The following CDC5L variants were observed in gnomAD, a reference collection of about 807,000 sequenced individuals.
The protein encoded by CDC5L is cell division cycle 5 like.
CDC5L carries 18 observed loss-of-function variants against 104.1 expected under a neutral mutation model. The ratio of observed to expected loss-of-function variants is 0.17; its 90% CI spans 0.12 to 0.26. The LOEUF (loss-of-function observed/expected upper bound fraction) is 0.26. CDC5L is among the 10% of genes least tolerant of loss of function. The pLI is 1.00. For missense variants in CDC5L, 673 were observed against 956.9 expected, an observed-to-expected ratio of 0.70 and a Z score of 3.91; for synonymous variants, 331 against 322.7, an observed-to-expected ratio of 1.03 and a Z score of -0.28.
Position 44,448,463 on chromosome 6 carries a change from G to A in CDC5L, c.*1752G>A, listed in dbSNP as rs1471289042. On this transcript the variant is annotated 3_prime_UTR_variant, in exon 16 of 16. Transcript: ENST00000371477. The stretch of plus-strand genomic sequence containing the variant: ...GGAGATAGGGAAGCCAGTCCAATTA[G>A]GAGCCTGATGCAGTGATCCAGACAA... 1 of 152,204 alleles carries A rather than the reference G, an allele frequency of 6.6e-6. No individual in the cohort carries two copies. The allele number at this position is 152,204 out of a possible 1,614,324, so 9.4% of individuals were successfully genotyped here. A position where few individuals can be genotyped will look rare whatever the true frequency, so the allele number is the denominator to read the frequency against.
At position 44,426,645 on chromosome 6, in the gene CDC5L, T is replaced by A; in HGVS notation, c.1814T>A (p.Phe605Tyr). Residue 605 changes from phenylalanine (F) to tyrosine (Y), a missense_variant, in exon 13 of 16, where the codon TTT becomes TAT. Transcript: ENST00000371477. ...AATAAAAAAGGCAAAACTGTAGGGT[T>A]TGGTACCAATAATTCAGAGCACATT... ...SGNKKGKTVG[F>Y]GTNNSEHITY... The A allele has an allele frequency of 6.2e-7, 1 of 1,613,232 alleles. No homozygotes were observed. The highest frequency in any genetic ancestry group is 8.5e-7 in the Non-Finnish European group (1 of 1,179,396).
chr6:44,430,228 C>T (rs1369421557), intron 14 of CDC5L, among the ~76,000 whole-genome samples: 3 of 151,886 alleles, frequency 2.0e-5, no homozygotes, highest in Non-Finnish European at 4.4e-5. Context: ...TCACTCAGAA[C>T]AGGCAGGTCA....
intron 7 of CDC5L, 114 bp downstream of exon 7, chr6:44,406,581 T>G: frequency 2.1e-6 from 2 of 947,494 alleles, no homozygotes. Flanking sequence ...CTTAAGAAAT[T>G]CACAGTTTAA....
chr6:44,411,718 C>G (rs114374510), intron 8 of CDC5L, among the ~76,000 whole-genome samples: 1 of 150,056 alleles, frequency 6.7e-6, no homozygotes, highest in East Asian at 2.0e-4. Context: ...TATATTGTTT[C>G]GTGAAAGTTT....
At chr6:44,395,116 G>A (rs994452216) in intron 4 of CDC5L, among the ~76,000 whole-genome samples, 5 of 152,302 alleles carry the variant, frequency 3.3e-5, no homozygotes, top group African/African-American at 1.2e-4. Flanking sequence ...GCTGGGTATG[G>A]TGTGTGGGTG....
At chr6:44,438,687 T>A (rs1196273584) in intron 14 of CDC5L, among the ~76,000 whole-genome samples, 2 of 146,182 alleles carry the variant, frequency 1.4e-5, no homozygotes, top group African/African-American at 2.5e-5. Context: ...TTTTTTTTTT[T>A]AAACTCTAAC....
intron 14 of CDC5L, among the ~76,000 whole-genome samples, chr6:44,439,753 G>T (rs976875822): frequency 7.9e-5 from 12 of 152,294 alleles, no homozygotes; most frequent in Non-Finnish European, 1.6e-4. Flanking sequence ...CTTATTCTGT[G>T]CCAGGCACTG....
At chr6:44,407,331 T>TC (rs1236418708) in intron 7 of CDC5L, among the ~76,000 whole-genome samples, 1 of 133,500 alleles carries the variant, frequency 7.5e-6, no homozygotes, top group African/African-American at 2.9e-5. Context: ...TAGGGTAACC[T>TC]TTTTTTTTTT....
chr6:44,396,271 T>C, intron 4 of CDC5L, 70 bp from the exon 5 acceptor site: 1 of 946,540 alleles, frequency 1.1e-6, no homozygotes, highest in Non-Finnish European at 1.6e-6. Flanking sequence ...GAGTGTCTCT[T>C]ACATACCTTG....
rs955527085 is a variant in CDC5L at position 44,448,650 on chromosome 6, T to G, written c.*1939T>G. The G allele has an allele frequency of 1.3e-5, 2 of 152,252 alleles. No homozygotes were observed. The highest frequency in any genetic ancestry group is 2.9e-5 in the Non-Finnish European group (2 of 68,046). 9.4% of individuals were successfully genotyped at this position (152,252 alleles called of 1,614,324 possible). A position where few individuals can be genotyped will look rare whatever the true frequency, so the allele number is the denominator to read the frequency against. On this transcript the variant is annotated 3_prime_UTR_variant, in exon 16 of 16. Transcript: ENST00000371477. ...ACTTTTTTCAGTAAGTTCTGGGTTTTCTAGGAAAAACTTCAGTATCATCAG... is the reference window on the plus strand; with the variant it reads ...ACTTTTTTCAGTAAGTTCTGGGTTTGCTAGGAAAAACTTCAGTATCATCAG...
intron 14 of CDC5L, among the ~76,000 whole-genome samples, chr6:44,440,570 A>G (rs747307591): frequency 6.6e-6 from 1 of 152,110 alleles, no homozygotes; most frequent in Non-Finnish European, 1.5e-5. Context: ...ATTTTAATTG[A>G]CAAATAATAA....
At chr6:44,415,469 T>G (rs1211145661) in intron 8 of CDC5L, among the ~76,000 whole-genome samples, 1 of 152,166 alleles carries the variant, frequency 6.6e-6, no homozygotes, top group Admixed American at 6.5e-5. Flanking sequence ...TTCTAAGTGT[T>G]GAGAGATAAA....
At chr6:44,424,652 A>G in intron 11 of CDC5L, 69 bp downstream of exon 11, 1 of 1,486,272 alleles carries the variant, frequency 6.7e-7, no homozygotes, top group East Asian at 2.3e-5. Flanking sequence ...AATGAAGAAT[A>G]GCCATTAAAT....
intron 5 of CDC5L, 52 bp downstream of exon 5, chr6:44,396,492 C>G: frequency 9.0e-7 from 1 of 1,106,736 alleles, no homozygotes; most frequent in Non-Finnish European, 1.3e-6. Context: ...ACATAACAAT[C>G]AACACAGAAT....
rs925661453 is a variant in CDC5L, at chr6:44,449,381, G to A, written c.*2670G>A. ...TTTAACATTCACACTGAGGCCAGGGGTGGTGAGTCATGCCTGTAATCCTAG... is the reference window on the plus strand; with the variant it reads ...TTTAACATTCACACTGAGGCCAGGGATGGTGAGTCATGCCTGTAATCCTAG... On this transcript the variant is annotated 3_prime_UTR_variant, in exon 16 of 16. Transcript: ENST00000371477. The A allele has an allele frequency of 6.6e-6, 1 of 152,332 alleles. No individual in the cohort carries two copies. The highest frequency in any genetic ancestry group is 1.5e-5 in the Non-Finnish European group (1 of 68,038). 9.4% of individuals were successfully genotyped at this position (152,332 alleles called of 1,614,324 possible).
chr6:44,393,239 A>G (rs567014340), intron 3 of CDC5L, among the ~76,000 whole-genome samples: 1 of 97,458 alleles, frequency 1.0e-5, no homozygotes, highest in Non-Finnish European at 2.1e-5. Flanking sequence ...TTTGGGTTCT[A>G]TTTTAGAGTG....
At chr6:44,413,970 C>G (rs1791783958) in intron 8 of CDC5L, among the ~76,000 whole-genome samples, 1 of 152,164 alleles carries the variant, frequency 6.6e-6, no homozygotes, top group Admixed American at 6.5e-5. Context: ...TTGATTATAG[C>G]CATCTTGTAA....
intron 1 of CDC5L, among the ~76,000 whole-genome samples, chr6:44,388,430 G>C (rs147584008): frequency 2.0e-4 from 31 of 152,242 alleles, no homozygotes; most frequent in Middle Eastern, 6.8e-3. Context: ...CCCAAGGTCT[G>C]TCTCTTTCTG....
At chr6:44,419,319 C>T in intron 8 of CDC5L, 130 bp from the exon 9 acceptor site, 2 of 762,388 alleles carry the variant, frequency 2.6e-6, no homozygotes, top group South Asian at 3.7e-5. Flanking sequence ...TATTCATTTT[C>T]TCTGTTAGCT....
Sources: gnomAD v4.1 joint callset for allele counts (sites outside exome capture counted in the v4.1 genomes callset) on GRCh38, gnomAD v4.1.1 for gene constraint, MANE v1.5 for transcripts, NCBI Gene and HGNC (gene_info 2026-07-23, HGNC 2026-07-21) for gene names.